Variants in GRID2 observed in about 807,000 individuals in gnomAD.
GRID2 encodes glutamate receptor ionotropic, delta-2.
A neutral mutation model predicts 114.8 loss-of-function variants in GRID2; 33 were observed. That is an observed-to-expected ratio of 0.29 (90% confidence interval 0.22 to 0.38). The LOEUF (loss-of-function observed/expected upper bound fraction) is 0.38. Ranked by LOEUF, GRID2 falls within the 10% of genes least tolerant of loss-of-function variation. The probability of loss-of-function intolerance (pLI) is 1.00; values close to 1 mark genes in which losing one functional copy is unlikely to be tolerated. For missense variants in GRID2, 1,184 were observed against 1,257.7 expected (o/e 0.94, Z 0.89); for synonymous variants, 505 against 449.9 (o/e 1.12, Z -1.55).
chr4:92,658,901 C>T (rs1379365294), intron 2 of GRID2, among the ~76,000 whole-genome samples: 1 of 144,134 alleles, frequency 6.9e-6, no homozygotes, highest in Non-Finnish European at 1.5e-5. Flanking sequence ...TACACACATA[C>T]ACACATTTGC....
chr4:92,753,539 G>A (rs570079573), intron 2 of GRID2, among the ~76,000 whole-genome samples: 6 of 152,212 alleles, frequency 3.9e-5, no homozygotes, highest in African/African-American at 1.4e-4. Context: ...GCATAATAAC[G>A]AACAAAAACT....
rs1421947236 is a variant in GRID2 at position 93,438,275 on chromosome 4, A to G, written c.1545+15307A>G. Among the ~76,000 whole-genome samples, 51 of 152,240 alleles carry G rather than the reference A, an allele frequency of 3.3e-4. 1 individual carries two copies. Among genetic ancestry groups the G allele is most frequent in the Non-Finnish European group, 4.4e-5 (3 of 68,006 alleles). On this transcript the variant is annotated intron_variant, in intron 10 of 15. Transcript: ENST00000282020. ...TGAAAAATGCCATAGGGTAATACATACAGGGTGCCATGGCAACCCAGGGGC... is the reference window on the plus strand; with the variant it reads ...TGAAAAATGCCATAGGGTAATACATGCAGGGTGCCATGGCAACCCAGGGGC...
chr4:93,678,930 T>G (rs991544576), intron 14 of GRID2, among the ~76,000 whole-genome samples: 1 of 149,288 alleles, frequency 6.7e-6, no homozygotes, highest in Non-Finnish European at 1.5e-5. Flanking sequence ...CATAACAATA[T>G]TAACTTTAAA....
At chr4:92,959,624 G>A (rs1272428397) in intron 2 of GRID2, among the ~76,000 whole-genome samples, 3 of 152,040 alleles carry the variant, frequency 2.0e-5, no homozygotes, top group African/African-American at 4.8e-5. Flanking sequence ...ATCAATTATA[G>A]ACTGGATAAA....
chr4:93,386,566 G>A (rs1207168190), intron 8 of GRID2, among the ~76,000 whole-genome samples: 1 of 152,098 alleles, frequency 6.6e-6, no homozygotes, highest in African/African-American at 2.4e-5. Flanking sequence ...TACTGTGATA[G>A]TATAATCAAG....
At chr4:92,976,423 T>C (rs1249514686) in intron 2 of GRID2, among the ~76,000 whole-genome samples, 1 of 152,116 alleles carries the variant, frequency 6.6e-6, no homozygotes. Context: ...ATTTATGCAG[T>C]TGTAGCAATT....
intron 14 of GRID2, among the ~76,000 whole-genome samples, chr4:93,732,450 T>C (rs1473219043): frequency 6.6e-6 from 1 of 152,238 alleles, no homozygotes; most frequent in Non-Finnish European, 1.5e-5. Flanking sequence ...AGCAGGTTTA[T>C]GCCTGCTGCC....
At chr4:93,118,281 G>A (rs992599066) in intron 4 of GRID2, among the ~76,000 whole-genome samples, 8 of 152,148 alleles carry the variant, frequency 5.3e-5, no homozygotes, top group Non-Finnish European at 8.8e-5. Flanking sequence ...GCTCATATAC[G>A]TATTCAATTC....
At chr4:92,745,977 A>T (rs181637393) in intron 2 of GRID2, among the ~76,000 whole-genome samples, 54 of 152,250 alleles carry the variant, frequency 3.5e-4, no homozygotes, top group Admixed American at 8.5e-4. Context: ...TGCTGAACAA[A>T]GCTTCCCAAA....
At chr4:93,624,051 C>T (rs1416272869) in intron 13 of GRID2, among the ~76,000 whole-genome samples, 1 of 152,046 alleles carries the variant, frequency 6.6e-6, no homozygotes, top group Non-Finnish European at 1.5e-5. Flanking sequence ...TTAAGGTATT[C>T]TTCATATAGC....
At chr4:93,104,795 T>C (rs1346796933) in intron 3 of GRID2, among the ~76,000 whole-genome samples, 8 of 152,240 alleles carry the variant, frequency 5.3e-5, no homozygotes, top group Admixed American at 4.6e-4. Flanking sequence ...TATAGCTACA[T>C]GATTTACAGT....
intron 4 of GRID2, among the ~76,000 whole-genome samples, chr4:93,113,409 T>G (rs3846290): frequency 0.37 from 56,278 of 152,018 alleles, 10,830 homozygotes; most frequent in Admixed American, 0.52. Flanking sequence ...GTTTGTGCAC[T>G]TAACCTTGGT....
intron 8 of GRID2, among the ~76,000 whole-genome samples, chr4:93,311,227 A>G (rs1755976722): frequency 6.6e-6 from 1 of 152,136 alleles, no homozygotes; most frequent in Non-Finnish European, 1.5e-5. Flanking sequence ...CAGGTCTCAA[A>G]AAGCCATCTC....
intron 2 of GRID2, among the ~76,000 whole-genome samples, chr4:92,910,388 C>T (rs576733409): frequency 1.3e-5 from 2 of 152,036 alleles, no homozygotes; most frequent in Non-Finnish European, 2.9e-5. Flanking sequence ...ATTACGATGT[C>T]TGTGGAGATT....
intron 1 of GRID2, among the ~76,000 whole-genome samples, chr4:92,477,085 GTGTGTGTGTGTGTT>G (rs2149101003): frequency 8.0e-6 from 1 of 125,638 alleles, no homozygotes; most frequent in East Asian, 2.1e-4. Context: ...GTGTGTGTGT[GTGTGTGTGTGTGTT>G]TGCTTAGTAT....
intron 14 of GRID2, among the ~76,000 whole-genome samples, chr4:93,767,150 A>C (rs534822404): frequency 6.6e-6 from 1 of 152,232 alleles, no homozygotes; most frequent in Non-Finnish European, 1.5e-5. Flanking sequence ...AATGAAGGTC[A>C]TAAGTTTGGG....
chr4:93,269,278 C>T (rs1050670248), intron 8 of GRID2, among the ~76,000 whole-genome samples: 8 of 151,930 alleles, frequency 5.3e-5, no homozygotes, highest in African/African-American at 1.9e-4. Flanking sequence ...AAATCAGAGT[C>T]TAGAAATAGG....
intron 2 of GRID2, among the ~76,000 whole-genome samples, chr4:92,698,921 G>T (rs1290384978): frequency 6.6e-6 from 1 of 152,010 alleles, no homozygotes; most frequent in Non-Finnish European, 1.5e-5. Flanking sequence ...TCATAAAATT[G>T]CTCATTCAGT....
chr4:92,338,419 T>G (rs1727298900), intron 1 of GRID2, among the ~76,000 whole-genome samples: 1 of 152,170 alleles, frequency 6.6e-6, no homozygotes, highest in African/African-American at 2.4e-5. Flanking sequence ...GTCTAAATAT[T>G]GTCTACTGAC....
Sources: allele counts gnomAD v4.1 joint callset (sites outside exome capture counted in the v4.1 genomes callset), GRCh38; gene constraint gnomAD v4.1.1; transcripts MANE v1.5; gene names NCBI Gene and HGNC (gene_info 2026-07-23, HGNC 2026-07-21).